Variants in SAXO1 observed in about 807,000 individuals in gnomAD.
SAXO1 encodes the protein stabilizer of axonemal microtubules 1, also known as 4930500O09Rik.
SAXO1 carries 21 observed loss-of-function variants against 17.5 expected under a neutral mutation model. The observed-to-expected ratio is 1.20, with a 90% CI of 0.85 to 1.72. The LOEUF (loss-of-function observed/expected upper bound fraction) is 1.72, where lower values mean the gene tolerates loss of function less well. Ranked by LOEUF, SAXO1 falls within the 40% of genes most tolerant of loss-of-function variation. SAXO1 has a pLI of 0.00. For synonymous variants in SAXO1, 274 were observed against 216.5 expected (o/e 1.27, Z -2.33); for missense variants, 843 against 596.0 (o/e 1.41, Z -4.32).
At chr9:18,973,977 C>G (rs1040106125) in intron 1 of SAXO1, among the ~76,000 whole-genome samples, 15 of 152,206 alleles carry the variant, frequency 9.9e-5, no homozygotes, top group Non-Finnish European at 2.2e-4. Context: ...CTTAAAGGAA[C>G]TGATCTATCA....
intron 1 of SAXO1, among the ~76,000 whole-genome samples, chr9:19,030,061 G>A (rs1019936282): frequency 5.3e-5 from 8 of 152,178 alleles, no homozygotes; most frequent in Admixed American, 3.3e-4. Flanking sequence ...AACACGGAGC[G>A]GGGTTTTTCT....
At chr9:18,952,495 T>G (rs1832073323) in intron 1 of SAXO1, among the ~76,000 whole-genome samples, 1 of 152,232 alleles carries the variant, frequency 6.6e-6, no homozygotes, top group Non-Finnish European at 1.5e-5. Context: ...ACTATGTACA[T>G]CTCGTCCATC....
chr9:18,953,610 C>A (rs1832126814), intron 1 of SAXO1, among the ~76,000 whole-genome samples: 1 of 152,136 alleles, frequency 6.6e-6, no homozygotes, highest in Admixed American at 6.5e-5. Flanking sequence ...GAGTCATCTC[C>A]TTTCCCTACC....
At position 18,928,239 on chromosome 9, in the gene SAXO1, G is replaced by C; in HGVS notation, c.1238C>G (p.Thr413Ser). 6.2e-7 allele frequency: 1 copy of C among 1,614,112 alleles called. No individual in the cohort carries two copies. Among genetic ancestry groups the C allele is most frequent in the Non-Finnish European group, 8.5e-7 (1 of 1,179,976 alleles). Residue 413 changes from threonine (T) to serine (S), a missense_variant, in exon 4 of 4, where the codon ACT becomes AGT. By Grantham distance (58) the Thr-to-Ser change is moderately conservative (BLOSUM62 1). Transcript: ENST00000380534. ...ESQTTYTISF[T>S]PKEMGRCLAS... ...TAGGCACCTGCCCATTTCCTTGGGAGTAAAGCTGATGGTGTAGGTGGTCTG... is the reference window on the plus strand; with the variant it reads ...TAGGCACCTGCCCATTTCCTTGGGACTAAAGCTGATGGTGTAGGTGGTCTG...
At chr9:19,004,041 A>T (rs1834392121) in intron 1 of SAXO1, among the ~76,000 whole-genome samples, 1 of 151,916 alleles carries the variant, frequency 6.6e-6, no homozygotes. Context: ...AATTTACAAC[A>T]AAAAAAACAA....
rs965169176 is a variant in SAXO1 at position 19,041,278 on chromosome 9, G to C, written c.-158+7931C>G. 2.0e-5 allele frequency among the ~76,000 whole-genome samples: 3 copies of C among 151,714 alleles called. No homozygotes were observed. The South Asian group carries it at 6.2e-4, about 32-fold the overall frequency. ...TCTACAATGAAAACTATAAAACACT[G>C]ATGAAAGAAACAGAAGAGGACACAA... On this transcript the variant is annotated intron_variant, in intron 1 of 3. Transcript: ENST00000542071.
chr9:18,950,167 A>T (rs1831971339), intron 2 of SAXO1, among the ~76,000 whole-genome samples: 1 of 152,236 alleles, frequency 6.6e-6, no homozygotes, highest in African/African-American at 2.4e-5. Flanking sequence ...CATGTGGCTC[A>T]GCCTCTGCAC....
chr9:18,935,615 GC>G (rs1163966740), intron 3 of SAXO1, among the ~76,000 whole-genome samples: 3 of 152,080 alleles, frequency 2.0e-5, no homozygotes, highest in Admixed American at 2.0e-4. Context: ...CATATGCACA[GC>G]CTTCCCGACC....
At chr9:19,018,742 C>T (rs1373063805) in intron 1 of SAXO1, among the ~76,000 whole-genome samples, 1 of 152,196 alleles carries the variant, frequency 6.6e-6, no homozygotes, top group Non-Finnish European at 1.5e-5. Context: ...AAGGCAGATT[C>T]AGTAGGAGCA....
chr9:19,029,086 T>G (rs1472926577), intron 1 of SAXO1, among the ~76,000 whole-genome samples: 1 of 152,166 alleles, frequency 6.6e-6, no homozygotes, highest in Admixed American at 6.6e-5. Context: ...AGTCACCCAT[T>G]GGTGGCTTTT....
At chr9:19,024,417 G>A (rs1486560876) in intron 1 of SAXO1, among the ~76,000 whole-genome samples, 3 of 148,588 alleles carry the variant, frequency 2.0e-5, no homozygotes, top group Non-Finnish European at 4.5e-5. Flanking sequence ...ACAGGAAGGG[G>A]AACATCACAC....
At chr9:18,973,043 G>A (rs978077188) in intron 1 of SAXO1, among the ~76,000 whole-genome samples, 4 of 152,294 alleles carry the variant, frequency 2.6e-5, no homozygotes, top group South Asian at 2.1e-4. Context: ...CTGGCTGCAC[G>A]GGGAGCTGCA....
intron 1 of SAXO1, among the ~76,000 whole-genome samples, chr9:18,993,919 T>C (rs926524256): frequency 7.2e-5 from 11 of 152,230 alleles, no homozygotes; most frequent in African/African-American, 2.2e-4. Flanking sequence ...ATACCAAAGG[T>C]CTTGGTAGCA....
intron 1 of SAXO1, among the ~76,000 whole-genome samples, chr9:18,996,438 A>C (rs1351176354): frequency 6.6e-6 from 1 of 152,262 alleles, no homozygotes; most frequent in African/African-American, 2.4e-5. Context: ...CTAGGCTGTA[A>C]GCCTGTACAG....
intron 1 of SAXO1, among the ~76,000 whole-genome samples, chr9:18,987,451 T>C (rs949491737): frequency 2.6e-5 from 4 of 152,224 alleles, no homozygotes; most frequent in African/African-American, 9.6e-5. Flanking sequence ...AGACTAGTAT[T>C]ACTTAACTAA....
chr9:18,928,687 G>A lies in SAXO1; in HGVS notation c.790C>T (p.Leu264=), dbSNP rs1363055728. The change falls in exon 4 of 4, where the codon CTA becomes TTA. Residue 264 remains leucine, a synonymous_variant. Coordinates refer to ENST00000380534, the MANE Select transcript of SAXO1 (RefSeq NM_153707.4). ...SLKPLARPPG[L]DMPFCNTTEF... is the part of the protein sequence containing the mutation. ...GTGGTGTTACAGAAAGGCATGTCTA[G>A]CCCAGGAGGCCTGGCTAGAGGTTTC... The A allele has an allele frequency of 6.2e-7, 1 of 1,614,134 alleles. No individual in the cohort carries two copies. Among genetic ancestry groups the A allele is most frequent in the Non-Finnish European group, 8.5e-7 (1 of 1,180,026 alleles).
At chr9:18,977,991 GCCAAAAAAAAAAAA>G (rs1833218016) in intron 1 of SAXO1, among the ~76,000 whole-genome samples, 1 of 88,012 alleles carries the variant, frequency 1.1e-5, no homozygotes, top group Non-Finnish European at 2.0e-5. Flanking sequence ...ATGAGACCCT[GCCAAAAAAAAAAAA>G]AAAAAAAAAA....
chr9:19,036,853 TC>T, upstream of SAXO1, among the ~76,000 whole-genome samples: 1 of 152,184 alleles, frequency 6.6e-6, no homozygotes, highest in East Asian at 1.9e-4. Flanking sequence ...AAATGGGAGA[TC>T]CACCGACAAA....
At chr9:18,977,977 G>A (rs1462746889) in intron 1 of SAXO1, among the ~76,000 whole-genome samples, 3 of 119,212 alleles carry the variant, frequency 2.5e-5, no homozygotes, top group Non-Finnish European at 4.8e-5. Flanking sequence ...GCCTGGGTAA[G>A]AGAATGAGAC....
Sources: allele counts gnomAD v4.1 joint callset (sites outside exome capture counted in the v4.1 genomes callset), GRCh38; gene constraint gnomAD v4.1.1; transcripts MANE v1.5; gene names NCBI Gene and HGNC (gene_info 2026-07-23, HGNC 2026-07-21).